Variants in FHL5 observed in about 807,000 individuals in gnomAD.
FHL5 encodes four and a half LIM domains protein 5.
Under a neutral mutation model 32.0 loss-of-function variants are expected in FHL5, and 33 were observed. The observed-to-expected ratio is 1.03, with a 90% confidence interval of 0.78 to 1.38. FHL5 has a LOEUF of 1.38. FHL5 is among the 40% of genes most tolerant of loss of function. The probability of loss-of-function intolerance (pLI) is 0.00; values close to 1 mark genes in which losing one functional copy is unlikely to be tolerated. For synonymous variants in FHL5, 114 were observed against 113.6 expected (o/e 1.00, Z -0.02); for missense variants, 336 against 343.9 (o/e 0.98, Z 0.18).
In FHL5 at chr6:96,581,007, G is replaced by C. The variant is rs572068244; in HGVS notation, c.-13+17652G>C. 5.3e-5 allele frequency among the ~76,000 whole-genome samples: 8 copies of C among 152,106 alleles called. No individual in the cohort carries two copies. The South Asian group carries it at 1.2e-3, about 24-fold the overall frequency. On this transcript the variant is annotated intron_variant, in intron 1 of 5. Coordinates refer to ENST00000450218, the MANE Select transcript of FHL5 (RefSeq NM_001322466.2). ...ATTGCTTATATTTGAAAACATATTTGTTTTAAAGAAAATCATAGAAAATAA... is the reference window on the plus strand; with the variant it reads ...ATTGCTTATATTTGAAAACATATTTCTTTTAAAGAAAATCATAGAAAATAA...
At chr6:96,587,913 T>C (rs917339047) in intron 1 of FHL5, among the ~76,000 whole-genome samples, 5 of 152,230 alleles carry the variant, frequency 3.3e-5, no homozygotes, top group African/African-American at 1.2e-4. Context: ...AAGTCATCTG[T>C]TTTTGTGGCC....
intron 1 of FHL5, among the ~76,000 whole-genome samples, chr6:96,591,099 C>A (rs1345969286): frequency 6.6e-6 from 1 of 152,014 alleles, no homozygotes; most frequent in African/African-American, 2.4e-5. Context: ...TCAAAATTTA[C>A]CAGAGCATGT....
chr6:96,598,921 G>A (rs560040280), intron 1 of FHL5, among the ~76,000 whole-genome samples: 2 of 152,260 alleles, frequency 1.3e-5, no homozygotes, highest in South Asian at 4.1e-4. Flanking sequence ...GGTGTGTGAT[G>A]CCTTGCAAAC....
chr6:96,596,037 A>C (rs564637474), intron 1 of FHL5, among the ~76,000 whole-genome samples: 92 of 151,998 alleles, frequency 6.1e-4, no homozygotes, highest in Non-Finnish European at 1.1e-3. Context: ...TAGGCCTAGG[A>C]TGATGGGACA....
chr6:96,589,444 A>C (rs1770870273), intron 1 of FHL5, among the ~76,000 whole-genome samples: 1 of 152,056 alleles, frequency 6.6e-6, no homozygotes, highest in Admixed American at 6.6e-5. Context: ...GTGGTTGTTA[A>C]TGAAGTTGAG....
At position 96,618,399 on chromosome 6, in the gene FHL5, G is replaced by T. The variant is rs1473713183; in HGVS notation, c.*2627G>T. ...AGGAGAAAATAAGATTGCTAAAAGAGAAAGAGTCAGAGGAAGGGAGAATAT... is the reference window on the plus strand; with the variant it reads ...AGGAGAAAATAAGATTGCTAAAAGATAAAGAGTCAGAGGAAGGGAGAATAT... On this transcript the variant is annotated 3_prime_UTR_variant, in exon 6 of 6. Coordinates refer to ENST00000450218, the MANE Select transcript of FHL5 (RefSeq NM_001322466.2). Among the ~76,000 whole-genome samples, 1 of 152,184 alleles carries T rather than the reference G, an allele frequency of 6.6e-6. No individual in the cohort carries two copies. Among genetic ancestry groups the T allele is most frequent in the Non-Finnish European group, 1.5e-5 (1 of 68,038 alleles).
chr6:96,574,359 A>T (rs554633507), intron 1 of FHL5, among the ~76,000 whole-genome samples: 1 of 152,376 alleles, frequency 6.6e-6, no homozygotes, highest in South Asian at 2.1e-4. Context: ...ATAATACTTT[A>T]GTCTTCAAAA....
intron 1 of FHL5, among the ~76,000 whole-genome samples, chr6:96,593,239 C>T (rs1430853044): frequency 6.6e-6 from 1 of 151,930 alleles, no homozygotes; most frequent in Non-Finnish European, 1.5e-5. Context: ...TATTTACCCC[C>T]TTGAACATAT....
intron 1 of FHL5, among the ~76,000 whole-genome samples, chr6:96,603,203 A>T (rs570171821): frequency 6.6e-6 from 1 of 152,324 alleles, no homozygotes; most frequent in East Asian, 1.9e-4. Context: ...TGCCTCTAGA[A>T]TTTTCCAGCA....
At chr6:96,606,157 TTA>T in intron 4 of FHL5, 86 bp downstream of exon 4, 1 of 1,123,864 alleles carries the variant, frequency 8.9e-7, no homozygotes, top group South Asian at 1.5e-5. Flanking sequence ...ACTGATACTA[TTA>T]TGTTATATCT....
At chr6:96,602,774 T>A (rs1401536858) in intron 1 of FHL5, among the ~76,000 whole-genome samples, 1 of 152,242 alleles carries the variant, frequency 6.6e-6, no homozygotes, top group East Asian at 1.9e-4. Context: ...ATTTATGCTC[T>A]ATACATGTTA....
At chr6:96,584,461 TTGTGTGTG>T (rs781665593) in intron 1 of FHL5, among the ~76,000 whole-genome samples, 5 of 85,310 alleles carry the variant, frequency 5.9e-5, no homozygotes, top group South Asian at 4.0e-4. Context: ...GTGTGTGTGT[TTGTGTGTG>T]TGTGTGTGTG....
At chr6:96,600,145 T>C (rs1353211345) in intron 1 of FHL5, among the ~76,000 whole-genome samples, 1 of 152,192 alleles carries the variant, frequency 6.6e-6, no homozygotes, top group Non-Finnish European at 1.5e-5. Context: ...AGTGGTCAGA[T>C]TGGAAAAATT....
chr6:96,589,780 C>T (rs1770877212), intron 1 of FHL5, among the ~76,000 whole-genome samples: 1 of 151,968 alleles, frequency 6.6e-6, no homozygotes, highest in Non-Finnish European at 1.5e-5. Context: ...CTCTTATATT[C>T]TCAAAGGATT....
intron 1 of FHL5, among the ~76,000 whole-genome samples, chr6:96,574,469 T>C (rs986939427): frequency 8.5e-5 from 13 of 152,196 alleles, no homozygotes; most frequent in African/African-American, 3.1e-4. Flanking sequence ...TGAACACCAA[T>C]ATTTAAATTT....
chr6:96,586,866 G>C (rs1770810079), intron 1 of FHL5, among the ~76,000 whole-genome samples: 2 of 152,224 alleles, frequency 1.3e-5, no homozygotes. Context: ...GCAGACAAGA[G>C]TAGAGCTTTC....
Position 96,610,754 on chromosome 6 carries a change from T to A in FHL5, c.687T>A (p.Ile229=). The change falls in exon 5 of 6, where the codon ATT becomes ATA. Residue 229 remains isoleucine (I), a synonymous_variant. Coordinates refer to ENST00000450218, the MANE Select transcript of FHL5 (RefSeq NM_001322466.2). The part of the protein sequence containing the change: ...ANKCVACSKP[I]SGLTGAKFIC... The stretch of plus-strand genomic sequence containing the variant: ...AGTGTGTAGCCTGTTCCAAACCCAT[T>A]AGTGGTGAGTTCTTCAGTTCAATAT... 1 of 1,608,178 alleles carries A rather than the reference T, an allele frequency of 6.2e-7. No individual in the cohort carries two copies. The highest frequency in any genetic ancestry group is 8.5e-7 in the Non-Finnish European group (1 of 1,175,770).
intron 1 of FHL5, among the ~76,000 whole-genome samples, chr6:96,578,359 T>C (rs1770626586): frequency 6.6e-6 from 1 of 152,102 alleles, no homozygotes; most frequent in African/African-American, 2.4e-5. Context: ...GAAAACAAGG[T>C]CATAAAGAGC....
intron 1 of FHL5, among the ~76,000 whole-genome samples, chr6:96,575,346 G>A (rs1047983934): frequency 3.9e-5 from 6 of 152,230 alleles, no homozygotes; most frequent in East Asian, 1.9e-4. Context: ...CATAAATCAC[G>A]TATGGATCAA....
Sources: allele counts gnomAD v4.1 joint callset (sites outside exome capture counted in the v4.1 genomes callset), GRCh38; gene constraint gnomAD v4.1.1; transcripts MANE v1.5; gene names NCBI Gene and HGNC (gene_info 2026-07-23, HGNC 2026-07-21).